CASK: variants seen among roughly 807,000 people sequenced by gnomAD.
CASK encodes the protein calcium/calmodulin dependent serine protein kinase.
A neutral mutation model predicts 82.9 loss-of-function variants in CASK; 4 were observed. That is an observed-to-expected ratio of 0.05 (90% CI 0.02 to 0.11). The LOEUF (loss-of-function observed/expected upper bound fraction) is 0.11. Among genes scored for constraint, CASK ranks in the 10% least tolerant of loss-of-function variants. The pLI is 1.00. For missense variants in CASK, 358 were observed against 720.9 expected, an observed-to-expected ratio of 0.50 and a Z score of 5.76; for synonymous variants, 259 against 253.5, an observed-to-expected ratio of 1.02 and a Z score of -0.20.
intron 1 of CASK, among the ~76,000 whole-genome samples, chrX:41,895,278 A>G (rs1005375362): frequency 3.6e-5 from 4 of 112,062 alleles, no homozygotes; most frequent in Non-Finnish European, 7.5e-5. Context: ...GAAAGAGGAG[A>G]GCTTCCGAAC....
At chrX:41,632,954 A>C (rs2066493701) in intron 9 of CASK, among the ~76,000 whole-genome samples, 1 of 107,381 alleles carries the variant, frequency 9.3e-6, no homozygotes, top group Non-Finnish European at 1.9e-5. Flanking sequence ...GAGGCAGGAT[A>C]ATCACTTGAA....
chrX:41,641,200 G>GT (rs2066647373), intron 8 of CASK, among the ~76,000 whole-genome samples: 1 of 110,094 alleles, frequency 9.1e-6, no homozygotes, highest in Non-Finnish European at 1.9e-5. Context: ...TGTCCAGGCT[G>GT]TTTTTTCTGA....
At chrX:41,903,714 G>A (rs1260196073) in intron 1 of CASK, among the ~76,000 whole-genome samples, 1 of 111,177 alleles carries the variant, frequency 9.0e-6, no homozygotes, top group African/African-American at 3.3e-5. Context: ...TTTGGTCTCA[G>A]ATTGAGACTC....
Position 41,773,420 on chromosome X carries a change from CAGAA to C in CASK, c.278+13754_278+13757del, listed in dbSNP as rs777991353. ...AAAAATAAATTAAAAAAGAGAGACA[CAGAA>C]AGCCTAAACCAAACCCAACAATATG... On this transcript the variant is annotated intron_variant, in intron 3 of 26. Coordinates refer to ENST00000378163, the MANE Select transcript of CASK (RefSeq NM_001367721.1). 6.6e-5 allele frequency among the ~76,000 whole-genome samples: 7 copies of C among 105,619 alleles called. 1 individual carries two copies. The South Asian group carries it at 2.9e-3, about 44-fold the overall frequency. The allele number at this position is 105,619 out of a possible 115,157, so 91.7% of individuals were successfully genotyped here.
intron 5 of CASK, among the ~76,000 whole-genome samples, chrX:41,730,869 AT>A (rs1393782574): frequency 9.1e-6 from 1 of 110,466 alleles, no homozygotes; most frequent in Non-Finnish European, 1.9e-5. Context: ...TGCCCGGCTA[AT>A]TTTTGTTATT....
At chrX:41,682,599 C>A (rs1602456659) in intron 5 of CASK, among the ~76,000 whole-genome samples, 1 of 87,418 alleles carries the variant, frequency 1.1e-5, no homozygotes, top group Admixed American at 1.3e-4. Context: ...TGGCAAAAGA[C>A]AGTTTGATAA....
At chrX:41,833,270 TGAATC>T (rs775398710) in intron 2 of CASK, among the ~76,000 whole-genome samples, 2 of 111,704 alleles carry the variant, frequency 1.8e-5, no homozygotes, top group Admixed American at 1.9e-4. Flanking sequence ...CATCAACTAA[TGAATC>T]GATATATATC....
At chrX:41,639,137 A>T (rs1281743396) in intron 8 of CASK, among the ~76,000 whole-genome samples, 1 of 104,707 alleles carries the variant, frequency 9.6e-6, no homozygotes, top group East Asian at 3.0e-4. Context: ...GCAGTGGCGC[A>T]ATCTCGGCTC....
chrX:41,703,481 ACT>A (rs1206794373), intron 5 of CASK, among the ~76,000 whole-genome samples: 2 of 111,406 alleles, frequency 1.8e-5, no homozygotes, highest in Non-Finnish European at 3.8e-5. Context: ...ATTCTTTGTA[ACT>A]CTTTTCACTC....
chrX:41,750,395 T>C (rs2068766497), intron 3 of CASK, among the ~76,000 whole-genome samples: 1 of 112,021 alleles, frequency 8.9e-6, no homozygotes, highest in Non-Finnish European at 1.9e-5. Context: ...CATCTTTTAT[T>C]GCTCTTCTCT....
chrX:41,902,200 C>T (rs1469057660), intron 1 of CASK, among the ~76,000 whole-genome samples: 2 of 111,991 alleles, frequency 1.8e-5, no homozygotes, highest in African/African-American at 3.3e-5. Context: ...CATTTTTATA[C>T]ATGGTGTATT....
chrX:41,838,474 G>A (rs1015276457), intron 2 of CASK, among the ~76,000 whole-genome samples: 6 of 111,490 alleles, frequency 5.4e-5, no homozygotes, highest in Non-Finnish European at 7.5e-5. Flanking sequence ...TATGTATCTT[G>A]GCTGGGCATG....
chrX:41,634,066 AAG>A (rs2066517659), intron 9 of CASK, among the ~76,000 whole-genome samples: 1 of 112,110 alleles, frequency 8.9e-6, no homozygotes, highest in Non-Finnish European at 1.9e-5. Flanking sequence ...CTGGCCACAA[AAG>A]TAATTTTCTA....
At chrX:41,728,211 C>T (rs2068303860) in intron 5 of CASK, 2 of 332,047 alleles carry the variant, frequency 6.0e-6, no homozygotes, top group Non-Finnish European at 5.3e-6. Flanking sequence ...AACAGTTATA[C>T]TGAACGTTGA....
chrX:41,627,165 T>C (rs1033300142), intron 9 of CASK, among the ~76,000 whole-genome samples: 3 of 112,497 alleles, frequency 2.7e-5, no homozygotes, highest in African/African-American at 9.7e-5. Flanking sequence ...GGATTATGTG[T>C]CATTTTTCTT....
chrX:41,727,595 G>A, intron 5 of CASK: 2 of 1,205,125 alleles, frequency 1.7e-6, no homozygotes. Context: ...TGCTACAATC[G>A]GCAGATGGAA....
chrX:41,875,697 G>A (rs1332685262), intron 1 of CASK, among the ~76,000 whole-genome samples: 2 of 105,379 alleles, frequency 1.9e-5, no homozygotes. Context: ...TAATGATGAA[G>A]AAAAAAAAAA....
chrX:41,570,525 G>A (rs1047729399), intron 15 of CASK, among the ~76,000 whole-genome samples: 5 of 111,042 alleles, frequency 4.5e-5, no homozygotes, highest in African/African-American at 1.6e-4. Context: ...GTTTCCTCAT[G>A]CTCGTTGGTA....
At chrX:41,811,333 G>A (rs2070280811) in intron 2 of CASK, among the ~76,000 whole-genome samples, 1 of 110,079 alleles carries the variant, frequency 9.1e-6, no homozygotes, top group Non-Finnish European at 1.9e-5. Flanking sequence ...TAGTTGGAAG[G>A]GGAAGTAAAC....
Sources: allele counts gnomAD v4.1 joint callset (sites outside exome capture counted in the v4.1 genomes callset), GRCh38; gene constraint gnomAD v4.1.1; transcripts MANE v1.5; gene names NCBI Gene and HGNC (gene_info 2026-07-23, HGNC 2026-07-21).